GPC3: variants seen among roughly 807,000 people sequenced by gnomAD.
GPC3 encodes the protein glypican-3.
GPC3 carries 3 observed loss-of-function variants against 34.4 expected under a neutral mutation model. That is an observed-to-expected ratio of 0.09 (90% CI 0.04 to 0.23). GPC3 has a LOEUF of 0.23. Ranked by LOEUF, GPC3 falls within the 10% of genes least tolerant of loss-of-function variation. The pLI is 1.00. For synonymous variants in GPC3, 177 were observed against 174.0 expected (o/e 1.02, Z -0.13); for missense variants, 351 against 445.6 (o/e 0.79, Z 1.91).
chrX:133,920,860 T>G (rs530566128), intron 2 of GPC3, among the ~76,000 whole-genome samples: 1 of 112,189 alleles, frequency 8.9e-6, no homozygotes, highest in African/African-American at 3.2e-5. Context: ...ACACCTTACA[T>G]AACCATGGAT....
intron 2 of GPC3, among the ~76,000 whole-genome samples, chrX:133,947,363 A>G (rs565463818): frequency 4.5e-5 from 5 of 111,336 alleles, no homozygotes; most frequent in African/African-American, 1.6e-4. Context: ...CATCTGCATA[A>G]TCTCCTCACC....
At chrX:133,541,515 A>G (rs973999298) in intron 7 of GPC3, among the ~76,000 whole-genome samples, 2 of 112,248 alleles carry the variant, frequency 1.8e-5, no homozygotes, top group African/African-American at 3.2e-5. Context: ...GCTAAATCCA[A>G]AAATCTGTTT....
At chrX:133,937,391 T>C (rs2076327882) in intron 2 of GPC3, among the ~76,000 whole-genome samples, 1 of 111,635 alleles carries the variant, frequency 9.0e-6, no homozygotes, top group Non-Finnish European at 1.9e-5. Context: ...AGAAATAGAT[T>C]TGAGGCAGAC....
At chrX:133,567,697 A>G (rs2069594183) in intron 7 of GPC3, among the ~76,000 whole-genome samples, 1 of 111,957 alleles carries the variant, frequency 8.9e-6, no homozygotes, top group African/African-American at 3.2e-5. Context: ...TTTGATTGAA[A>G]GTCAACTTGG....
chrX:133,796,267 T>C (rs771517452), intron 2 of GPC3, among the ~76,000 whole-genome samples: 1 of 112,038 alleles, frequency 8.9e-6, no homozygotes, highest in South Asian at 3.7e-4. Flanking sequence ...TCAACACACA[T>C]CAACGAAATT....
intron 2 of GPC3, among the ~76,000 whole-genome samples, chrX:133,861,460 A>G (rs922052065): frequency 9.0e-6 from 1 of 111,455 alleles, no homozygotes; most frequent in African/African-American, 3.3e-5. Flanking sequence ...AAATTTGGTT[A>G]CGTCTTCTGT....
chrX:133,654,063 G>A (rs752391067), intron 6 of GPC3, among the ~76,000 whole-genome samples: 153 of 111,513 alleles, frequency 1.4e-3, no homozygotes, highest in African/African-American at 4.5e-3. Context: ...ACAGACACTG[G>A]TTAATATTGA....
At chrX:133,591,125 G>A (rs1338463786) in intron 7 of GPC3, among the ~76,000 whole-genome samples, 1 of 111,967 alleles carries the variant, frequency 8.9e-6, no homozygotes, top group African/African-American at 3.2e-5. Context: ...TGGTCATGTC[G>A]CAAAAGGTCT....
At chrX:133,631,432 C>T (rs899865231) in intron 6 of GPC3, among the ~76,000 whole-genome samples, 12 of 111,509 alleles carry the variant, frequency 1.1e-4, no homozygotes, top group African/African-American at 3.9e-4. Flanking sequence ...GACAGGATTC[C>T]CTTCTTTTTA....
intron 2 of GPC3, among the ~76,000 whole-genome samples, chrX:133,934,000 G>A: frequency 9.5e-6 from 1 of 105,141 alleles, no homozygotes. Context: ...GAGTAGCTGG[G>A]ATTACAGGCG....
At chrX:133,593,302 C>A (rs1174230978) in intron 7 of GPC3, among the ~76,000 whole-genome samples, 2 of 87,350 alleles carry the variant, frequency 2.3e-5, no homozygotes, top group Non-Finnish European at 4.3e-5. Context: ...GCACTCACTC[C>A]AGCCTGGGCA....
intron 2 of GPC3, among the ~76,000 whole-genome samples, chrX:133,891,586 A>T (rs2076087502): frequency 9.1e-6 from 1 of 109,713 alleles, no homozygotes; most frequent in African/African-American, 3.3e-5. Context: ...GGGGCAACTT[A>T]GAGAGACCCT....
intron 3 of GPC3, among the ~76,000 whole-genome samples, chrX:133,737,150 A>C (rs1429076120): frequency 8.9e-6 from 1 of 112,560 alleles, no homozygotes; most frequent in Admixed American, 9.4e-5. Context: ...ATTCTGGAAA[A>C]GGCAAAAGCA....
chrX:133,689,370 T>C (rs1459688657), intron 5 of GPC3, among the ~76,000 whole-genome samples: 1 of 111,882 alleles, frequency 8.9e-6, no homozygotes, highest in Non-Finnish European at 1.9e-5. Context: ...AAAGTACATT[T>C]GGCTAACTTT....
At chrX:133,652,337 C>G (rs1265762801) in intron 6 of GPC3, among the ~76,000 whole-genome samples, 1 of 110,966 alleles carries the variant, frequency 9.0e-6, no homozygotes, top group Non-Finnish European at 1.9e-5. Context: ...TTGGTTTCGT[C>G]AGCTGCTTGC....
intron 6 of GPC3, among the ~76,000 whole-genome samples, chrX:133,642,341 A>G (rs2070488992): frequency 1.8e-5 from 2 of 112,045 alleles, no homozygotes; most frequent in African/African-American, 6.5e-5. Context: ...AAAGAAGACA[A>G]AATAGAACAG....
chrX:133,723,490 C>T (rs547364369), intron 3 of GPC3, among the ~76,000 whole-genome samples: 1 of 111,974 alleles, frequency 8.9e-6, no homozygotes, highest in South Asian at 3.8e-4. Flanking sequence ...ATGTTTGTCC[C>T]CTCCAAATCT....
chrX:133,905,870 T>C (rs1018340997), intron 2 of GPC3, among the ~76,000 whole-genome samples: 1 of 111,570 alleles, frequency 9.0e-6, no homozygotes, highest in Non-Finnish European at 1.9e-5. Flanking sequence ...GAAACAGAAA[T>C]CGTTCTTATT....
intron 2 of GPC3, among the ~76,000 whole-genome samples, chrX:133,850,194 G>T (rs76251983): frequency 0.13 from 8,578 of 67,324 alleles, 639 homozygotes; most frequent in African/African-American, 0.26. Context: ...TTTGGGTTTT[G>T]TTTTTTTTTT....
Sources: allele counts gnomAD v4.1 joint callset (sites outside exome capture counted in the v4.1 genomes callset), GRCh38; gene constraint gnomAD v4.1.1; transcripts MANE v1.5; gene names NCBI Gene and HGNC (gene_info 2026-07-23, HGNC 2026-07-21).